MYH15: variants seen among roughly 807,000 people sequenced by gnomAD.
MYH15 encodes the protein myosin heavy chain 15.
In MYH15, 227 loss-of-function variants were observed where a neutral mutation model predicts 240.5. The observed-to-expected ratio is 0.94, with a 90% CI of 0.85 to 1.05. The LOEUF is 1.05. MYH15 is among the 50% of genes least tolerant of loss of function. The pLI, the probability that MYH15 is intolerant of heterozygous loss-of-function variation, is 0.00. For synonymous variants in MYH15, 785 were observed against 796.7 expected (o/e 0.99, Z 0.25); for missense variants, 2,217 against 2,247.5 (o/e 0.99, Z 0.27).
chr3:108,413,565 C>T (rs2082610425), intron 30 of MYH15, among the ~76,000 whole-genome samples: 1 of 152,152 alleles, frequency 6.6e-6, no homozygotes, highest in Admixed American at 6.5e-5. Context: ...GTTTCCTGGC[C>T]TCTAAGCAAA....
chr3:108,388,519 G>A (rs2082399745), intron 38 of MYH15, among the ~76,000 whole-genome samples: 1 of 152,092 alleles, frequency 6.6e-6, no homozygotes, highest in Non-Finnish European at 1.5e-5. Flanking sequence ...CAGTGGCCTT[G>A]AGTGTTTGCG....
rs1362382385 is a variant in MYH15, at chr3:108,428,802, A to G, written c.3392T>C (p.Leu1131Pro). 6 of 1,613,738 alleles carry G rather than the reference A, an allele frequency of 3.7e-6. No individual in the cohort carries two copies. The South Asian group carries it at 6.6e-5, about 18-fold the overall frequency. The change falls in exon 27 of 41, where the codon CTC (leucine) becomes CCC (proline). Residue 1131 changes from leucine (L) to proline (P), a missense_variant. Coordinates refer to ENST00000693548, the MANE Select transcript of MYH15 (RefSeq NM_014981.3). ...RAKMERERAD[L>P]TQDLADLNER... ...ATTCAAGTCAGCCAGGTCTTGGGTG[A>G]GGTCAGCTCTCTCCCTTTCCATCTT... is the stretch of plus-strand genomic sequence containing the variant.
At chr3:108,516,077 C>G (rs1431434450) in intron 1 of MYH15, among the ~76,000 whole-genome samples, 1 of 152,084 alleles carries the variant, frequency 6.6e-6, no homozygotes, top group African/African-American at 2.4e-5. Flanking sequence ...CATTTCAGTG[C>G]CTTAACTATA....
chr3:108,485,789 C>G (rs574521094), intron 10 of MYH15, among the ~76,000 whole-genome samples: 2 of 152,132 alleles, frequency 1.3e-5, no homozygotes, highest in South Asian at 2.1e-4. Flanking sequence ...GAATATGTAC[C>G]AAGAGACTAT....
chr3:108,537,775 T>C, the MYH15 span, among the ~76,000 whole-genome samples: 1 of 152,162 alleles, frequency 6.6e-6, no homozygotes, highest in African/African-American at 2.4e-5. Context: ...TAATATAGCT[T>C]ACCTTAGACA....
At position 108,444,799 on chromosome 3, in the gene MYH15, A is replaced by C; in HGVS notation, c.2496T>G (p.Val832=). 6.2e-7 allele frequency: 1 copy of C among 1,614,124 alleles called. No homozygotes were observed. The highest frequency in any genetic ancestry group is 8.5e-7 in the Non-Finnish European group (1 of 1,179,998). The change falls in exon 22 of 41, where the codon GTT becomes GTG. Residue 832 remains valine, a synonymous_variant. Coordinates refer to ENST00000693548, the MANE Select transcript of MYH15 (RefSeq NM_014981.3). Reference sequence around the variant, plus strand: ...CTTCTTCTCCTACTTCTGAAGATTTAACAAGAGGCTTGATCTTGAAGAAGA... The same window carrying C: ...CTTCTTCTCCTACTTCTGAAGATTTCACAAGAGGCTTGATCTTGAAGAAGA... ...MRLFFKIKPL[V]KSSEVGEEVA...
chr3:108,468,796 C>G (rs577540230), intron 14 of MYH15, among the ~76,000 whole-genome samples: 2 of 152,286 alleles, frequency 1.3e-5, no homozygotes, highest in South Asian at 4.1e-4. Context: ...CTATGTCCCA[C>G]GTTCCTGCCT....
intron 29 of MYH15, among the ~76,000 whole-genome samples, chr3:108,415,902 A>C (rs971774712): frequency 5.9e-5 from 9 of 152,240 alleles, no homozygotes; most frequent in African/African-American, 2.2e-4. Context: ...AGGCAGCCAG[A>C]GAGATCTTCT....
intron 24 of MYH15, among the ~76,000 whole-genome samples, chr3:108,438,523 G>T (rs6799143): frequency 0.21 from 31,937 of 152,102 alleles, 4,360 homozygotes; most frequent in Non-Finnish European, 0.31. Context: ...AAATTCATAC[G>T]CTGAAATCCT....
rs79744967 is a variant in MYH15 at position 108,497,879 on chromosome 3, T to C, written c.618+173A>G. ...GTTTTCATGTTATTGTTTGGAGCAC[T>C]TGATGATCCTCTCAAGGACCAAAGG... is the stretch of plus-strand genomic sequence containing the variant. On this transcript the variant is annotated intron_variant, in intron 6 of 40. Transcript: ENST00000693548. Among the ~76,000 whole-genome samples, 4,975 of 152,286 alleles carry C rather than the reference T, an allele frequency of 0.033. 119 individuals carry two copies. The highest frequency in any genetic ancestry group is 0.049 in the Non-Finnish European group (3,335 of 68,028).
chr3:108,453,876 T>C (rs2082996823), intron 21 of MYH15, 130 bp downstream of exon 21: 2 of 888,058 alleles, frequency 2.3e-6, no homozygotes, highest in Non-Finnish European at 3.3e-6. Context: ...TCTCATGATT[T>C]AAAAATGTTT....
intron 10 of MYH15, among the ~76,000 whole-genome samples, chr3:108,485,605 A>G (rs969202193): frequency 1.3e-5 from 2 of 152,172 alleles, no homozygotes; most frequent in African/African-American, 4.8e-5. Flanking sequence ...CTGTGATCCC[A>G]CAGGTTCTGA....
At position 108,470,762 on chromosome 3, in the gene MYH15, T is replaced by C; in HGVS notation, c.1319A>G (p.Asp440Gly). 6.2e-7 allele frequency: 1 copy of C among 1,613,890 alleles called. No individual in the cohort carries two copies. Among genetic ancestry groups the C allele is most frequent in the Middle Eastern group, 1.7e-4 (1 of 6,060 alleles). ...WLVARINRAL[D>G]AKLSRQFFIG... Reference sequence around the variant, plus strand: ...GAAGAACTGCCTTGACAGCTTGGCATCCAGGGCCCTGTTGATCCGTGCCAC... The same window carrying C: ...GAAGAACTGCCTTGACAGCTTGGCACCCAGGGCCCTGTTGATCCGTGCCAC... The change falls in exon 13 of 41, where the codon GAT (aspartate) becomes GGT (glycine). Residue 440 changes from aspartate to glycine, a missense_variant. By Grantham distance (94) the Asp-to-Gly change is moderately conservative. Transcript: ENST00000693548.
intron 27 of MYH15, 76 bp from the exon 28 acceptor site, chr3:108,421,290 G>A (rs879491347): frequency 3.9e-6 from 6 of 1,541,286 alleles, no homozygotes; most frequent in African/African-American, 1.4e-5. Context: ...GAAGAGGGGA[G>A]GAGTGGCTCC....
At chr3:108,450,238 C>G (rs1394946824) in intron 21 of MYH15, among the ~76,000 whole-genome samples, 1 of 152,084 alleles carries the variant, frequency 6.6e-6, no homozygotes, top group Non-Finnish European at 1.5e-5. Flanking sequence ...ATTTTGAAGA[C>G]ATATCTGCAC....
At chr3:108,452,325 C>T (rs1270027733) in intron 21 of MYH15, among the ~76,000 whole-genome samples, 3 of 151,768 alleles carry the variant, frequency 2.0e-5, no homozygotes, top group Admixed American at 6.6e-5. Flanking sequence ...AGTAATGATG[C>T]CCTCAAGAAA....
intron 21 of MYH15, among the ~76,000 whole-genome samples, chr3:108,447,619 T>G (rs1279667353): frequency 2.0e-5 from 3 of 151,644 alleles, no homozygotes; most frequent in Non-Finnish European, 4.4e-5. Flanking sequence ...AGAAATACTG[T>G]ATCCAGCAAG....
At chr3:108,421,314 C>T (rs1405883660) in intron 27 of MYH15, 100 bp from the exon 28 acceptor site, 2 of 1,365,378 alleles carry the variant, frequency 1.5e-6, no homozygotes, top group African/African-American at 2.9e-5. Flanking sequence ...GATCCGCATG[C>T]TCTCTTCTGT....
intron 35 of MYH15, among the ~76,000 whole-genome samples, chr3:108,395,770 G>A (rs1344189798): frequency 6.6e-6 from 1 of 151,930 alleles, no homozygotes; most frequent in East Asian, 1.9e-4. Flanking sequence ...TTAGTCCTAG[G>A]CTGGAGATCT....
Sources: allele counts gnomAD v4.1 joint callset (sites outside exome capture counted in the v4.1 genomes callset), GRCh38; gene constraint gnomAD v4.1.1; transcripts MANE v1.5; gene names NCBI Gene and HGNC (gene_info 2026-07-23, HGNC 2026-07-21).